Variants in WARS2 observed in about 807,000 individuals in gnomAD.
WARS2 encodes the protein tryptophanyl tRNA synthetase 2, mitochondrial.
Under a neutral mutation model 36.5 loss-of-function variants are expected in WARS2, and 28 were observed. The observed-to-expected ratio is 0.77, with a 90% CI of 0.57 to 1.05. The LOEUF is 1.05. WARS2 is among the 50% of genes least tolerant of loss of function. The pLI, the probability that WARS2 is intolerant of heterozygous loss-of-function variation, is 0.00. For missense variants in WARS2, 435 were observed against 456.8 expected, an observed-to-expected ratio of 0.95 and a Z score of 0.44; for synonymous variants, 174 against 178.4, an observed-to-expected ratio of 0.98 and a Z score of 0.20.
chr1:119,092,413 A>G (rs1486083391), intron 1 of WARS2, among the ~76,000 whole-genome samples: 1 of 152,240 alleles, frequency 6.6e-6, no homozygotes, highest in Non-Finnish European at 1.5e-5. Context: ...AAAATTAATT[A>G]ACATCAAATA....
intron 2 of WARS2, among the ~76,000 whole-genome samples, chr1:119,050,189 A>T (rs1430948660): frequency 1.3e-5 from 2 of 152,002 alleles, no homozygotes; most frequent in African/African-American, 4.8e-5. Flanking sequence ...CACCAAGTAC[A>T]CTCTTACATT....
chr1:119,112,815 A>G (rs1654733955), intron 1 of WARS2, among the ~76,000 whole-genome samples: 1 of 152,172 alleles, frequency 6.6e-6, no homozygotes, highest in South Asian at 2.1e-4. Context: ...ACTGTAATAT[A>G]TAATATTCTT....
intron 1 of WARS2, among the ~76,000 whole-genome samples, chr1:119,128,676 T>A (rs956792470): frequency 4.7e-5 from 7 of 149,488 alleles, no homozygotes; most frequent in African/African-American, 1.7e-4. Context: ...CAGCTGACAG[T>A]AATCCCATCA....
At position 119,105,177 on chromosome 1, in the gene WARS2, G is replaced by C. The variant is rs587682746; in HGVS notation, c.91-28570C>G. On this transcript the variant is annotated intron_variant, in intron 1 of 5. Coordinates refer to ENST00000235521, the MANE Select transcript of WARS2 (RefSeq NM_015836.4). ...TTTCAATAAGACTTGCTGGTGAAAT[G>C]GGTGTGGGGCTGAGGAAAAGGGTGG... 4.6e-5 allele frequency among the ~76,000 whole-genome samples: 7 copies of C among 152,284 alleles called. No individual in the cohort carries two copies. The South Asian group carries it at 1.5e-3, about 32-fold the overall frequency.
intron 2 of WARS2, among the ~76,000 whole-genome samples, chr1:119,066,822 C>T (rs150946139): frequency 5.9e-5 from 9 of 152,266 alleles, no homozygotes; most frequent in African/African-American, 2.2e-4. Context: ...GGAGAACAAA[C>T]TGACAACATT....
chr1:119,068,287 C>T (rs527315568), intron 2 of WARS2, among the ~76,000 whole-genome samples: 1 of 152,248 alleles, frequency 6.6e-6, no homozygotes, highest in East Asian at 1.9e-4. Context: ...CAGTTTAAGG[C>T]CTTGGTTTTA....
At chr1:119,056,596 CTT>C (rs1649836322) in intron 2 of WARS2, among the ~76,000 whole-genome samples, 1 of 149,376 alleles carries the variant, frequency 6.7e-6, no homozygotes, top group Non-Finnish European at 1.5e-5. Context: ...GTGAGGCATA[CTT>C]TATAAACAAT....
intron 2 of WARS2, among the ~76,000 whole-genome samples, chr1:119,057,827 TA>T (rs1649968792): frequency 6.6e-6 from 1 of 152,102 alleles, no homozygotes; most frequent in Non-Finnish European, 1.5e-5. Context: ...GTTGTCTCCT[TA>T]TTATTAAGAG....
intron 2 of WARS2, chr1:119,064,196 T>TG (rs138055448): frequency 0.32 from 48,904 of 152,050 alleles, 9,171 homozygotes; most frequent in African/African-American, 0.52. Flanking sequence ...ACTGCCCCAC[T>TG]GATCTTGGAC....
chr1:119,079,335 G>A (rs967334199), intron 1 of WARS2, among the ~76,000 whole-genome samples: 3 of 152,004 alleles, frequency 2.0e-5, no homozygotes, highest in African/African-American at 7.3e-5. Context: ...TTTTCTTCAA[G>A]AGTACTTTAT....
intron 1 of WARS2, among the ~76,000 whole-genome samples, chr1:119,087,197 C>T (rs1000205605): frequency 6.6e-6 from 1 of 152,056 alleles, no homozygotes; most frequent in Admixed American, 6.6e-5. Flanking sequence ...TATATTTTCC[C>T]GCCTAGAATA....
chr1:119,068,274 G>C (rs993224511), intron 2 of WARS2, among the ~76,000 whole-genome samples: 4 of 152,138 alleles, frequency 2.6e-5, no homozygotes, highest in Admixed American at 6.6e-5. Flanking sequence ...TAGACTCTCT[G>C]TCCAGTTTAA....
chr1:119,108,224 T>C (rs1654379171), intron 1 of WARS2, among the ~76,000 whole-genome samples: 1 of 152,094 alleles, frequency 6.6e-6, no homozygotes, highest in South Asian at 2.1e-4. Context: ...GTATTCCCTC[T>C]GCTTCTATCT....
chr1:119,085,848 G>C, intron 1 of WARS2: 1 of 1,610,434 alleles, frequency 6.2e-7, no homozygotes, highest in South Asian at 1.1e-5. Context: ...GAAGATCCAG[G>C]CACTGTCCTT....
At chr1:119,071,671 A>G (rs1651326842) in intron 2 of WARS2, among the ~76,000 whole-genome samples, 1 of 152,192 alleles carries the variant, frequency 6.6e-6, no homozygotes, top group Non-Finnish European at 1.5e-5. Flanking sequence ...GAATGGGGCA[A>G]GAGGAAATGG....
chr1:119,101,844 G>A (rs1411257724), intron 1 of WARS2, among the ~76,000 whole-genome samples: 1 of 152,112 alleles, frequency 6.6e-6, no homozygotes, highest in East Asian at 1.9e-4. Context: ...AACAATGTGT[G>A]CTAGTTCTAA....
In WARS2 at chr1:119,076,351, T is replaced by A. The variant is rs767892918; in HGVS notation, c.347A>T (p.Gln116Leu). ...PEKSILFQQS[Q>L]VSEHTQLSWI... Reference sequence around the variant, plus strand: ...TCAGTTCTAATCTGAGAAGCTGACCTGAGATTGTTGGAAAAGGATGCTTTT... The same window carrying A: ...TCAGTTCTAATCTGAGAAGCTGACCAGAGATTGTTGGAAAAGGATGCTTTT... The change falls in exon 2 of 6, where the codon CAG (glutamine) becomes CTG (leucine). Residue 116 changes from glutamine to leucine, a missense_variant and splice_region_variant. Physicochemically the swap from Gln to Leu is moderately radical, Grantham distance 113 (BLOSUM62 -2). Transcript: ENST00000235521. 1 of 1,613,988 alleles carries A rather than the reference T, an allele frequency of 6.2e-7. No individual in the cohort carries two copies. The highest frequency in any genetic ancestry group is 1.1e-5 in the South Asian group (1 of 91,076).
chr1:119,075,409 G>A (rs1288105938), intron 2 of WARS2, among the ~76,000 whole-genome samples: 1 of 151,974 alleles, frequency 6.6e-6, no homozygotes, highest in Non-Finnish European at 1.5e-5. Context: ...TAGCTTTGGT[G>A]GTCCTGGAGC....
chr1:119,080,525 C>T (rs770585727), intron 1 of WARS2, among the ~76,000 whole-genome samples: 48 of 152,072 alleles, frequency 3.2e-4, no homozygotes, highest in Non-Finnish European at 4.7e-4. Flanking sequence ...ATGAGACCAA[C>T]GAGAAGTGTT....
Sources: gnomAD v4.1 joint callset for allele counts (sites outside exome capture counted in the v4.1 genomes callset) on GRCh38, gnomAD v4.1.1 for gene constraint, MANE v1.5 for transcripts, NCBI Gene and HGNC (gene_info 2026-07-23, HGNC 2026-07-21) for gene names.